BTBD7: variants seen among roughly 807,000 people sequenced by gnomAD.
The protein encoded by BTBD7 is BTB/POZ domain-containing protein 7.
BTBD7 carries 38 observed loss-of-function variants against 99.9 expected under a neutral mutation model. That is an observed-to-expected ratio of 0.38 (90% CI 0.29 to 0.50). The LOEUF (loss-of-function observed/expected upper bound fraction) is 0.50, where lower values mean the gene tolerates loss of function less well. Among genes scored for constraint, BTBD7 ranks in the 20% least tolerant of loss-of-function variants. The pLI is 0.93. For synonymous variants in BTBD7, 520 were observed against 511.4 expected (o/e 1.02, Z -0.23); for missense variants, 1,170 against 1,394.6 (o/e 0.84, Z 2.57).
chr14:93,309,691 G>A (rs1053656429), intron 1 of BTBD7, among the ~76,000 whole-genome samples: 1 of 151,952 alleles, frequency 6.6e-6, no homozygotes, highest in Admixed American at 6.6e-5. Context: ...AATCTCTCTA[G>A]TGCTGTGTAT....
chr14:93,261,247 TC>T (rs1285625778), intron 5 of BTBD7, among the ~76,000 whole-genome samples: 6 of 152,248 alleles, frequency 3.9e-5, no homozygotes, highest in Non-Finnish European at 8.8e-5. Context: ...TGTGCAACCA[TC>T]AACACTAATT....
At chr14:93,275,240 T>C (rs147707792) in intron 3 of BTBD7, among the ~76,000 whole-genome samples, 1 of 152,328 alleles carries the variant, frequency 6.6e-6, no homozygotes, top group Admixed American at 6.5e-5. Flanking sequence ...GTAATATACT[T>C]TCTGACAGAC....
chr14:93,315,092 C>G (rs2053183714), intron 1 of BTBD7, among the ~76,000 whole-genome samples: 1 of 152,102 alleles, frequency 6.6e-6, no homozygotes, highest in Non-Finnish European at 1.5e-5. Context: ...CTCCTTCTTA[C>G]TGCAAACATT....
intron 10 of BTBD7, chr14:93,244,444 T>A (rs1206131401): frequency 6.1e-6 from 1 of 163,422 alleles, no homozygotes; most frequent in African/African-American, 2.4e-5. Context: ...AGGGTAGGAG[T>A]TCGAGGCCAG....
At chr14:93,282,673 C>CT (rs1457573723) in intron 3 of BTBD7, among the ~76,000 whole-genome samples, 20 of 152,200 alleles carry the variant, frequency 1.3e-4, no homozygotes, top group East Asian at 7.8e-4. Context: ...TATCTCAACT[C>CT]TGAGTTTGAA....
chr14:93,317,135 G>A (rs760613326), intron 1 of BTBD7, among the ~76,000 whole-genome samples: 3 of 151,758 alleles, frequency 2.0e-5, no homozygotes, highest in Admixed American at 6.6e-5. Flanking sequence ...CCTCCCGAGC[G>A]GCTAAGATTA....
At chr14:93,267,903 GCT>G (rs576652871) in intron 3 of BTBD7, among the ~76,000 whole-genome samples, 143 of 152,168 alleles carry the variant, frequency 9.4e-4, no homozygotes, top group Non-Finnish European at 1.6e-3. Context: ...TTTCTAATCT[GCT>G]CTCTGTACTG....
chr14:93,301,959 A>G (rs1012853993), intron 1 of BTBD7, among the ~76,000 whole-genome samples: 8 of 152,200 alleles, frequency 5.3e-5, no homozygotes, highest in Admixed American at 4.6e-4. Context: ...TTTATTAGGC[A>G]AAGCGCAGGA....
chr14:93,288,733 G>C, intron 3 of BTBD7: 1 of 1,605,366 alleles, frequency 6.2e-7, no homozygotes, highest in Non-Finnish European at 8.5e-7. Context: ...AAGGCAAGCT[G>C]GCTTTTTCAT....
rs1278816882 is a variant in BTBD7 at position 93,271,881 on chromosome 14, C to A, written c.1163-7888G>T. Among the ~76,000 whole-genome samples the A allele has an allele frequency of 2.0e-5, 3 of 152,064 alleles. No individual in the cohort carries two copies. In the East Asian group the frequency reaches 5.8e-4, roughly 29 times the overall value. ...ATTAGGTGGGTATAATGGTGCATGC[C>A]TGTAGTCCCAAGCACTCAGGAGGCT... is the stretch of plus-strand genomic sequence containing the variant. On this transcript the variant is annotated intron_variant, in intron 3 of 10. Transcript: ENST00000334746.
intron 1 of BTBD7, among the ~76,000 whole-genome samples, chr14:93,331,642 A>C (rs1031602876): frequency 6.6e-6 from 1 of 152,200 alleles, no homozygotes; most frequent in Non-Finnish European, 1.5e-5. Context: ...GTAGTTCGGA[A>C]GGACGAGGCG....
chr14:93,253,150 C>A (rs900253003), intron 7 of BTBD7, among the ~76,000 whole-genome samples: 2 of 152,120 alleles, frequency 1.3e-5, no homozygotes, highest in African/African-American at 2.4e-5. Flanking sequence ...ATACATAATG[C>A]GAACTAGTTA....
Position 93,246,130 on chromosome 14 carries a change from G to C in BTBD7, c.2278C>G (p.Pro760Ala), listed in dbSNP as rs118092506. The change falls in exon 10 of 11, where the codon CCT becomes GCT. Residue 760 changes from proline to alanine, a missense_variant. Pro to Ala is a conservative substitution (Grantham distance 27, BLOSUM62 -1). This residue lies in a region of BTBD7 where 495 missense variants were observed against 525.9 expected (regional missense o/e 0.94). Coordinates refer to ENST00000334746, the MANE Select transcript of BTBD7 (RefSeq NM_001002860.4). ...SFVAFHPPLP[P>A]PPPPYHPPAT... ...GGGGGGTGGTAGGGAGGTGGTGGAG[G>C]GGGCAAGGGTGGATGGAAGGCCACA... The C allele has an allele frequency of 1.0e-5, 13 of 1,271,502 alleles. No homozygotes were observed. The highest frequency in any genetic ancestry group is 1.7e-5 in the African/African-American group (1 of 58,378). The allele number at this position is 1,271,502 out of a possible 1,614,324, so 78.8% of individuals were successfully genotyped here.
At chr14:93,252,170 TGTG>T (rs1432401586) in intron 7 of BTBD7, among the ~76,000 whole-genome samples, 1 of 151,878 alleles carries the variant, frequency 6.6e-6, no homozygotes, top group Non-Finnish European at 1.5e-5. Context: ...ATTAGCCAGA[TGTG>T]GTGGCGGGTG....
At position 93,240,249 on chromosome 14, in the gene BTBD7, A is replaced by G. The variant is rs1323295877; in HGVS notation, c.*2024T>C. 1 of 152,720 alleles carries G rather than the reference A, an allele frequency of 6.5e-6. No homozygotes were observed. Among genetic ancestry groups the G allele is most frequent in the African/African-American group, 2.4e-5 (1 of 41,466 alleles). The allele number at this position is 152,720 out of a possible 1,614,324, so 9.5% of individuals were successfully genotyped here. ...CCGCACAGCAGCTAACCAGTCAGGC[A>G]GCAGAACGAGTGGCGGCAGTTTGCC... On this transcript the variant is annotated 3_prime_UTR_variant, in exon 11 of 11. Coordinates refer to ENST00000334746, the MANE Select transcript of BTBD7 (RefSeq NM_001002860.4).
intron 1 of BTBD7, among the ~76,000 whole-genome samples, chr14:93,327,204 TA>T (rs1420904499): frequency 6.6e-6 from 1 of 152,206 alleles, no homozygotes; most frequent in Non-Finnish European, 1.5e-5. Context: ...TTATTTCCAT[TA>T]AAAAATTATA....
At chr14:93,279,372 C>T (rs1309858642) in intron 3 of BTBD7, among the ~76,000 whole-genome samples, 1 of 152,118 alleles carries the variant, frequency 6.6e-6, no homozygotes, top group Non-Finnish European at 1.5e-5. Flanking sequence ...CCAATCTTTG[C>T]TTAACTCCTA....
chr14:93,260,437 A>T (rs35814927), intron 5 of BTBD7, among the ~76,000 whole-genome samples: 2,353 of 152,360 alleles, frequency 0.015, 35 homozygotes, highest in Admixed American at 0.029. Flanking sequence ...GTAGAATCAC[A>T]AATTTCCAAA....
intron 1 of BTBD7, among the ~76,000 whole-genome samples, chr14:93,309,095 TC>T (rs1566860637): frequency 6.6e-6 from 1 of 152,186 alleles, no homozygotes; most frequent in Non-Finnish European, 1.5e-5. Flanking sequence ...TTTTAAACAT[TC>T]CCCCCAACTT....
Sources: gnomAD v4.1 joint callset for allele counts (sites outside exome capture counted in the v4.1 genomes callset) on GRCh38, gnomAD v4.1.1 for gene constraint, gnomAD v4.1.1 regional missense constraint, MANE v1.5 for transcripts, NCBI Gene and HGNC (gene_info 2026-07-23, HGNC 2026-07-21) for gene names.